The following SACS variants were observed in gnomAD, a reference collection of about 807,000 sequenced individuals.
The protein encoded by SACS is sacsin.
In SACS, 197 loss-of-function variants were observed where a neutral mutation model predicts 348.0. The ratio of observed to expected loss-of-function variants is 0.57; its 90% confidence interval spans 0.50 to 0.64. The LOEUF (loss-of-function observed/expected upper bound fraction) is 0.64. SACS is among the 30% of genes least tolerant of loss of function. The pLI, the probability that SACS is intolerant of heterozygous loss-of-function variation, is 0.00. For missense variants in SACS, 4,999 were observed against 5,360.8 expected (o/e 0.93, Z 2.11); for synonymous variants, 1,985 against 1,910.6 (o/e 1.04, Z -1.02).
At chr13:23,368,076 CTGGT>C (rs58921322) in intron 5 of SACS, among the ~76,000 whole-genome samples, 2,090 of 151,966 alleles carry the variant, frequency 0.014, 41 homozygotes, top group African/African-American at 0.047. Flanking sequence ...GGCTGGCTGG[CTGGT>C]TGGTTGGTTG....
intron 2 of SACS, among the ~76,000 whole-genome samples, chr13:23,409,156 A>C (rs1873375979): frequency 7.7e-6 from 1 of 130,288 alleles, no homozygotes; most frequent in Non-Finnish European, 1.6e-5. Context: ...TCCCAGCTTC[A>C]CACCATTCTC....
intron 9 of SACS, among the ~76,000 whole-genome samples, chr13:23,348,944 TAATTAGAACAGAAGAGGGC>T (rs554750642): frequency 0.017 from 2,651 of 152,260 alleles, 38 homozygotes; most frequent in Non-Finnish European, 0.026. Context: ...AGTGCTTGTA[TAATTAGAACAGAAGAGGGC>T]AATTAGAACA....
chr13:23,353,160 CTG>C (rs922518281), intron 9 of SACS, among the ~76,000 whole-genome samples: 8 of 152,148 alleles, frequency 5.3e-5, no homozygotes, highest in African/African-American at 1.7e-4. Flanking sequence ...CCCAAAATTA[CTG>C]TCTTTTCCTA....
rs1868446152 is a variant in SACS at position 23,335,033 on chromosome 13, G to T, written c.8843C>A (p.Pro2948His). Reference sequence around the variant, plus strand: ...TAAAGTGTCCTTTACAACATGAATAGGGGTGTTCTGTAACACTGATAATGT... The same window carrying T: ...TAAAGTGTCCTTTACAACATGAATATGGGTGTTCTGTAACACTGATAATGT... Reference protein sequence around the residue: ...DPTLSVLQNTPIHVVKDTLKK... With the variant: ...DPTLSVLQNTHIHVVKDTLKK... Residue 2948 changes from proline to histidine, a missense_variant, in exon 10 of 10, where the codon CCT becomes CAT. Pro to His is a moderately conservative substitution (Grantham distance 77). This residue lies in a region of SACS where 734 missense variants were observed against 694.0 expected (regional missense o/e 1.06). Transcript: ENST00000382292. The surrounding 1 kb of genome is among the most constrained non-coding windows in gnomAD (Gnocchi z 4.7). 1 of 1,613,238 alleles carries T rather than the reference G, an allele frequency of 6.2e-7. No individual in the cohort carries two copies. The highest frequency in any genetic ancestry group is 1.7e-5 in the Admixed American group (1 of 59,970).
At position 23,338,197 on chromosome 13, in the gene SACS, T is replaced by G; in HGVS notation, c.5679A>C (p.Thr1893=). The change falls in exon 10 of 10, where the codon ACA becomes ACC. Residue 1893 remains threonine (T), a synonymous_variant. Transcript: ENST00000382292. Reference sequence around the variant, plus strand: ...TTTTCCAGATTTCTTTCCTATTTGATGTAACAGCAAAGCACCCATTGATAT... The same window carrying G: ...TTTTCCAGATTTCTTTCCTATTTGAGGTAACAGCAAAGCACCCATTGATAT... ...PVHINGCFAV[T]SNRKEIWKTD... 1 of 1,614,172 alleles carries G rather than the reference T, an allele frequency of 6.2e-7. No individual in the cohort carries two copies. The highest frequency in any genetic ancestry group is 1.1e-5 in the South Asian group (1 of 91,078).
chr13:23,338,031 G>A lies in SACS; in HGVS notation c.5845C>T (p.Pro1949Ser), dbSNP rs779162019. ...GAAAAATCATCATGAACTAAATCAG[G>A]ATCGGGCCATACTGCATAGTAAGTA... ...DYTYYAVWPDPDLVHDDFSVI... is the reference protein window; with the variant it reads ...DYTYYAVWPDSDLVHDDFSVI... Residue 1949 changes from proline to serine, a missense_variant, in exon 10 of 10, where the codon CCT becomes TCT. Coordinates refer to ENST00000382292, the MANE Select transcript of SACS (RefSeq NM_014363.6). 1.2e-6 allele frequency: 2 copies of A among 1,613,658 alleles called. No individual in the cohort carries two copies. Among genetic ancestry groups the A allele is most frequent in the Admixed American group, 3.3e-5 (2 of 59,934 alleles).
chr13:23,351,210 A>G (rs1869935733), intron 9 of SACS, among the ~76,000 whole-genome samples: 1 of 152,206 alleles, frequency 6.6e-6, no homozygotes, highest in South Asian at 2.1e-4. Context: ...AAAACCATTA[A>G]TGGCAATAAA....
chr13:23,412,050 G>A (rs1468084837), intron 1 of SACS, among the ~76,000 whole-genome samples: 2 of 152,174 alleles, frequency 1.3e-5, no homozygotes, highest in African/African-American at 4.8e-5. Flanking sequence ...ACAAGGTCAG[G>A]AGATTGAGAC....
chr13:23,355,238 T>C lies in SACS; in HGVS notation c.1374A>G (p.Thr458=), dbSNP rs149129638. The change falls in exon 8 of 10, where the codon ACA becomes ACG. Residue 458 remains threonine, a synonymous_variant. Transcript: ENST00000382292. ...ACCCACTGATGTGAACTGGGAGGCC[T>C]GTGCTGCTTTCCTCACCAGGTGGTA... ...LPLPPGEESS[T]GLPVHISGFF... is the part of the protein sequence containing the mutation. The C allele has an allele frequency of 1.2e-4, 186 of 1,614,236 alleles. No homozygotes were observed. The African/African-American group carries it at 2.2e-3, about 19-fold the overall frequency.
intron 1 of SACS, chr13:23,428,957 G>A (rs1175833330): frequency 6.6e-6 from 1 of 152,184 alleles, no homozygotes; most frequent in Non-Finnish European, 1.5e-5. Flanking sequence ...TCAACTGGCA[G>A]AGCTAATTGT....
At position 23,337,174 on chromosome 13, in the gene SACS, A is replaced by T. The variant is rs774487714; in HGVS notation, c.6702T>A (p.Phe2234Leu). ...TTGCTGCAAACATGGTTTCAGGCTT[A>T]AAACTGTTGCCTTTCCAGTCCAAAG... is the stretch of plus-strand genomic sequence containing the variant. ...GFSLDWKGNSFKPETMFAATD... is the reference protein window; with the variant it reads ...GFSLDWKGNSLKPETMFAATD... Residue 2234 changes from phenylalanine (F) to leucine (L), a missense_variant, in exon 10 of 10, where the codon TTT becomes TTA. Transcript: ENST00000382292. 3.8e-5 allele frequency: 62 copies of T among 1,613,884 alleles called. No individual in the cohort carries two copies. The highest frequency in any genetic ancestry group is 4.8e-5 in the Non-Finnish European group (57 of 1,179,916).
rs17078608 is a variant in SACS at position 23,336,727 on chromosome 13, G to A, written c.7149C>T (p.Arg2383=). Residue 2383 remains arginine, a synonymous_variant, in exon 10 of 10, where the codon CGC becomes CGT. Coordinates refer to ENST00000382292, the MANE Select transcript of SACS (RefSeq NM_014363.6). The part of the protein sequence containing the change: ...QLPNKYKNNF[R]ELFETVGVRQ... ...TCACACCCACGGTTTCAAAAAGTTC[G>A]CGGAAATTATTTTTATACTTATTAG... is the stretch of plus-strand genomic sequence containing the variant. 7,946 of 1,613,684 alleles carry A rather than the reference G, an allele frequency of 4.9e-3. 92 individuals are homozygous for A. Among genetic ancestry groups the A allele is most frequent in the African/African-American group, 0.032 (2,384 of 74,938 alleles).
chr13:23,371,058 T>C lies in SACS; in HGVS notation c.259+20A>G. ...TGCAACCCAACATGGTATATACTTC[T>C]GGTAAAGTCAATATTATACCTCCCC... On this transcript the variant is annotated intron_variant, in intron 4 of 9. Transcript: ENST00000382292. The C allele has an allele frequency of 6.8e-7, 1 of 1,466,252 alleles. No homozygotes were observed. Among genetic ancestry groups the C allele is most frequent in the Non-Finnish European group, 9.5e-7 (1 of 1,054,346 alleles). The allele number at this position is 1,466,252 out of a possible 1,614,324, so 90.8% of individuals were successfully genotyped here.
intron 4 of SACS, among the ~76,000 whole-genome samples, chr13:23,368,759 T>C (rs2137801885): frequency 6.6e-6 from 1 of 152,298 alleles, no homozygotes; most frequent in South Asian, 2.1e-4. Flanking sequence ...AGTGCAGTCG[T>C]GTGATCTCCC....
rs1435645442 is a variant in SACS, at chr13:23,338,696, G to A, written c.5180C>T (p.Pro1727Leu). 1 of 1,613,424 alleles carries A rather than the reference G, an allele frequency of 6.2e-7. No individual in the cohort carries two copies. The highest frequency in any genetic ancestry group is 8.5e-7 in the Non-Finnish European group (1 of 1,179,762). ...AGCCTCTTTTAAAACACTTAAGACA[G>A]GTGTGTTCAATGCTTTGGAAGAGCA... is the stretch of plus-strand genomic sequence containing the variant. ...KSCSSKALNT[P>L]VLSVLKEAAK... Residue 1727 changes from proline to leucine, a missense_variant, in exon 10 of 10, where the codon CCT (proline) becomes CTT (leucine). Transcript: ENST00000382292.
chr13:23,376,927 C>T (rs1412883852), intron 2 of SACS, among the ~76,000 whole-genome samples: 3 of 152,148 alleles, frequency 2.0e-5, no homozygotes, highest in African/African-American at 7.2e-5. Flanking sequence ...TGGCACACAC[C>T]TGGTTTTCTT....
chr13:23,394,699 C>T (rs2137907582), intron 2 of SACS, among the ~76,000 whole-genome samples: 1 of 152,176 alleles, frequency 6.6e-6, no homozygotes, highest in South Asian at 2.1e-4. Flanking sequence ...GCTAAAAATA[C>T]AAAAAATTAG....
At position 23,369,070 on chromosome 13, in the gene SACS, A is replaced by AAC. The variant is rs751831412; in HGVS notation, c.260-585_260-584dup. On this transcript the variant is annotated intron_variant, in intron 4 of 9. Coordinates refer to ENST00000382292, the MANE Select transcript of SACS (RefSeq NM_014363.6). ...AAAATATAATAACTATTAATTCAAA[A>AAC]ACAAGAAGCATGGTGCAGTGGGGAG... is the stretch of plus-strand genomic sequence containing the variant. Among the ~76,000 whole-genome samples, 6 of 152,362 alleles carry AAC rather than the reference A, an allele frequency of 3.9e-5. No individual in the cohort carries two copies. The South Asian group carries it at 8.3e-4, about 21-fold the overall frequency.
At position 23,332,870 on chromosome 13, in the gene SACS, T is replaced by C. The variant is rs1193782927; in HGVS notation, c.11006A>G (p.Gln3669Arg). 6.2e-7 allele frequency: 1 copy of C among 1,613,840 alleles called. No homozygotes were observed. The highest frequency in any genetic ancestry group is 8.5e-7 in the Non-Finnish European group (1 of 1,179,904). ...AAGTGTTCCATTTACCTCTTGATATTGAGGATGAAATCTAATGAATTCCGC... is the reference window on the plus strand; with the variant it reads ...AAGTGTTCCATTTACCTCTTGATATCGAGGATGAAATCTAATGAATTCCGC... ...APAEFIRFHPQYQEVNGTLPL... is the reference protein window; with the variant it reads ...APAEFIRFHPRYQEVNGTLPL... The change falls in exon 10 of 10, where the codon CAA (glutamine) becomes CGA (arginine). Residue 3669 changes from glutamine to arginine, a missense_variant. This residue lies in a region of SACS where 831 missense variants were observed against 941.8 expected (regional missense o/e 0.88). Transcript: ENST00000382292.
Sources: allele counts gnomAD v4.1 joint callset (sites outside exome capture counted in the v4.1 genomes callset), GRCh38; gene constraint gnomAD v4.1.1; regional missense constraint gnomAD v4.1.1; non-coding constraint Gnocchi (gnomAD v3.1); transcripts MANE v1.5; gene names NCBI Gene and HGNC (gene_info 2026-07-23, HGNC 2026-07-21).